The following DCK variants were observed in gnomAD, a reference collection of about 807,000 sequenced individuals.
DCK encodes the protein deoxycytidine kinase.
A neutral mutation model predicts 38.3 loss-of-function variants in DCK; 23 were observed. The observed-to-expected ratio is 0.60, with a 90% CI of 0.43 to 0.85. DCK has a LOEUF of 0.85. Ranked by LOEUF, DCK falls within the 40% of genes least tolerant of loss-of-function variation. The pLI is 0.00. For synonymous variants in DCK, 108 were observed against 100.6 expected (o/e 1.07, Z -0.44); for missense variants, 259 against 304.4 (o/e 0.85, Z 1.11).
Position 71,029,954 on chromosome 4 carries a change from T to C in DCK, c.*576T>C, listed in dbSNP as rs1740645232. On this transcript the variant is annotated 3_prime_UTR_variant, in exon 7 of 7. Transcript: ENST00000286648. ...TCCTGCCTCAGTCTGCTTTCTCTAC[T>C]GTCTGGATTAATTAGGCAGCCTGCT... 6.5e-6 allele frequency: 1 copy of C among 152,684 alleles called. No homozygotes were observed. Among genetic ancestry groups the C allele is most frequent in the Non-Finnish European group, 1.5e-5 (1 of 68,060 alleles). The allele number at this position is 152,684 out of a possible 1,614,324, so 9.5% of individuals were successfully genotyped here. A position where few individuals can be genotyped will look rare whatever the true frequency, so the allele number is the denominator to read the frequency against.
At chr4:71,001,718 C>T (rs372485083) in intron 2 of DCK, among the ~76,000 whole-genome samples, 7 of 152,018 alleles carry the variant, frequency 4.6e-5, no homozygotes, top group African/African-American at 1.4e-4. Context: ...CTTGGGAGGG[C>T]GTATGTGTCC....
At chr4:71,021,769 A>C (rs7439562) in intron 2 of DCK, among the ~76,000 whole-genome samples, 1 of 152,022 alleles carries the variant, frequency 6.6e-6, no homozygotes, top group Non-Finnish European at 1.5e-5. Context: ...TTGGGAGGCC[A>C]AGGCAGGCAG....
rs1740651780 is a variant in DCK at position 71,030,188 on chromosome 4, A to G, written c.*810A>G. The G allele has an allele frequency of 6.6e-6, 1 of 152,652 alleles. No individual in the cohort carries two copies. The highest frequency in any genetic ancestry group is 1.5e-5 in the Non-Finnish European group (1 of 68,034). The allele number at this position is 152,652 out of a possible 1,614,324, so 9.5% of individuals were successfully genotyped here. On this transcript the variant is annotated 3_prime_UTR_variant, in exon 7 of 7. Coordinates refer to ENST00000286648, the MANE Select transcript of DCK (RefSeq NM_000788.3). ...TAAAATTAATGAAGACAGAGGCTAGAAAGCATCCATTAATTAATGAGACAC... is the reference window on the plus strand; with the variant it reads ...TAAAATTAATGAAGACAGAGGCTAGGAAGCATCCATTAATTAATGAGACAC...
At chr4:71,022,610 C>A in intron 3 of DCK, 50 bp downstream of exon 3, 1 of 1,091,190 alleles carries the variant, frequency 9.2e-7, no homozygotes, top group Non-Finnish European at 1.2e-6. Flanking sequence ...TATCTTAGAA[C>A]TGGACTTTTT....
At chr4:71,025,593 A>G (rs1223511445) in intron 4 of DCK, among the ~76,000 whole-genome samples, 1 of 152,096 alleles carries the variant, frequency 6.6e-6, no homozygotes, top group Admixed American at 6.5e-5. Context: ...GATGGATACC[A>G]AAAATTTATA....
At chr4:71,023,486 T>G (rs138967326) in intron 3 of DCK, 73 bp from the exon 4 acceptor site, 1 of 989,562 alleles carries the variant, frequency 1.0e-6, no homozygotes, top group East Asian at 2.6e-5. Flanking sequence ...TGTTTCATGT[T>G]CCTGTTCTCT....
rs1435129843 is a variant in DCK at position 70,993,826 on chromosome 4, A to G, written c.-10A>G. ...GCCGGACGAGCTCTGGGCCGCCACA[A>G]GACTAAGGAATGGCCACCCCGCCCA... On this transcript the variant is annotated 5_prime_UTR_variant, in exon 1 of 7. Transcript: ENST00000286648. The G allele has an allele frequency of 1.2e-6, 2 of 1,608,602 alleles. No homozygotes were observed. The highest frequency in any genetic ancestry group is 1.1e-5 in the South Asian group (1 of 90,728).
At chr4:71,007,204 T>C (rs1011668930) in intron 2 of DCK, among the ~76,000 whole-genome samples, 1 of 152,224 alleles carries the variant, frequency 6.6e-6, no homozygotes, top group Non-Finnish European at 1.5e-5. Context: ...ATTGATGTTT[T>C]ATATCTGATT....
chr4:71,021,614 G>A (rs1740426047), intron 2 of DCK, among the ~76,000 whole-genome samples: 2 of 152,184 alleles, frequency 1.3e-5, no homozygotes, highest in South Asian at 4.1e-4. Flanking sequence ...TCCGGGAATG[G>A]TGGGGATTAA....
At chr4:70,997,224 T>C (rs1012610124) in intron 1 of DCK, among the ~76,000 whole-genome samples, 6 of 152,178 alleles carry the variant, frequency 3.9e-5, no homozygotes, top group African/African-American at 1.4e-4. Flanking sequence ...AACATCATGT[T>C]CTCCTTTCCC....
intron 2 of DCK, among the ~76,000 whole-genome samples, chr4:71,017,939 A>G (rs923770616): frequency 3.3e-5 from 5 of 152,196 alleles, no homozygotes; most frequent in African/African-American, 7.2e-5. Context: ...AAAAAAATTT[A>G]TATATCAGGG....
At position 70,997,548 on chromosome 4, in the gene DCK, A is replaced by G. The variant is rs569357986; in HGVS notation, c.92-519A>G. On this transcript the variant is annotated intron_variant, in intron 1 of 6. Coordinates refer to ENST00000286648, the MANE Select transcript of DCK (RefSeq NM_000788.3). ...TTCTTCCAGGTTTTTCTTCTTTTCT[A>G]TTGCCCTGTCTAATGTCCTAGATTT... Among the ~76,000 whole-genome samples, 9 of 151,812 alleles carry G rather than the reference A, an allele frequency of 5.9e-5. No individual in the cohort carries two copies. The East Asian group carries it at 9.7e-4, about 16-fold the overall frequency.
At chr4:71,015,735 C>A (rs941836815) in intron 2 of DCK, among the ~76,000 whole-genome samples, 2 of 152,102 alleles carry the variant, frequency 1.3e-5, no homozygotes, top group African/African-American at 2.4e-5. Flanking sequence ...ACTCAACAAC[C>A]CTTATGCTAA....
At chr4:71,016,462 G>A (rs1193661568) in intron 2 of DCK, among the ~76,000 whole-genome samples, 1 of 152,162 alleles carries the variant, frequency 6.6e-6, no homozygotes, top group Non-Finnish European at 1.5e-5. Flanking sequence ...CCAAAAAAGA[G>A]CCCGCATTGC....
At chr4:71,029,228 C>T in intron 6 of DCK, 124 bp from the exon 7 acceptor site, 1 of 549,168 alleles carries the variant, frequency 1.8e-6, no homozygotes, top group Non-Finnish European at 3.2e-6. Flanking sequence ...AATGCAATGG[C>T]ATTGTGGTAG....
intron 2 of DCK, among the ~76,000 whole-genome samples, chr4:70,998,571 G>C (rs911551040): frequency 1.3e-5 from 2 of 152,116 alleles, no homozygotes; most frequent in African/African-American, 4.8e-5. Flanking sequence ...GTGGATGTTG[G>C]TATCTGTGTG....
intron 2 of DCK, among the ~76,000 whole-genome samples, chr4:71,012,169 A>G (rs545828418): frequency 6.6e-6 from 1 of 152,102 alleles, no homozygotes; most frequent in Non-Finnish European, 1.5e-5. Context: ...CACAATATTT[A>G]TATGTCAAGA....
Position 71,030,083 on chromosome 4 carries a change from T to C in DCK, c.*705T>C, listed in dbSNP as rs1030205146. On this transcript the variant is annotated 3_prime_UTR_variant, in exon 7 of 7. Coordinates refer to ENST00000286648, the MANE Select transcript of DCK (RefSeq NM_000788.3). Reference sequence around the variant, plus strand: ...GTTCTGCTTTTAAGTTTTTCTCTTTTTCAGACAAATTACTGATAAAAATGA... The same window carrying C: ...GTTCTGCTTTTAAGTTTTTCTCTTTCTCAGACAAATTACTGATAAAAATGA... 6.6e-6 allele frequency: 1 copy of C among 152,584 alleles called. No homozygotes were observed. The highest frequency in any genetic ancestry group is 2.4e-5 in the African/African-American group (1 of 41,438). 9.5% of individuals were successfully genotyped at this position (152,584 alleles called of 1,614,324 possible).
At chr4:71,012,654 A>G (rs111494166) in intron 2 of DCK, among the ~76,000 whole-genome samples, 1 of 152,346 alleles carries the variant, frequency 6.6e-6, no homozygotes, top group African/African-American at 2.4e-5. Context: ...CCAGGCAAAC[A>G]GGGTCTGGAG....
Sources: gnomAD v4.1 joint callset for allele counts (sites outside exome capture counted in the v4.1 genomes callset) on GRCh38, gnomAD v4.1.1 for gene constraint, MANE v1.5 for transcripts, NCBI Gene and HGNC (gene_info 2026-07-23, HGNC 2026-07-21) for gene names.